Variants in SCIN observed in about 807,000 individuals in gnomAD.
The protein encoded by SCIN is scinderin, also known as adseverin.
Under a neutral mutation model 91.8 loss-of-function variants are expected in SCIN, and 91 were observed. The ratio of observed to expected loss-of-function variants is 0.99; its 90% CI spans 0.84 to 1.18. SCIN has a LOEUF of 1.18. SCIN is among the 50% of genes most tolerant of loss of function. The pLI is 0.00. For synonymous variants in SCIN, 367 were observed against 312.6 expected (o/e 1.17, Z -1.84); for missense variants, 1,087 against 863.9 (o/e 1.26, Z -3.24).
chr7:12,651,837 T>C lies in SCIN; in HGVS notation c.1960-4T>C. On this transcript the variant is annotated splice_polypyrimidine_tract_variant and splice_region_variant and intron_variant, in intron 14 of 15. Transcript: ENST00000297029. The surrounding 1 kb of genome is among the most constrained non-coding windows in gnomAD (Gnocchi z 5.9). The stretch of plus-strand genomic sequence containing the variant: ...ATACATATTGTTATTGTTTCATTTT[T>C]CAGATATTTATTTGGATTGGCAAAG... The C allele has an allele frequency of 6.4e-7, 1 of 1,562,944 alleles. No homozygotes were observed. The highest frequency in any genetic ancestry group is 8.8e-7 in the Non-Finnish European group (1 of 1,142,056).
chr7:12,628,782 G>T (rs1039172702), intron 8 of SCIN, among the ~76,000 whole-genome samples: 1 of 151,992 alleles, frequency 6.6e-6, no homozygotes, highest in Non-Finnish European at 1.5e-5. Flanking sequence ...ATATATTTCT[G>T]AGCTGAATCT....
At chr7:12,614,421 T>A (rs1783258854) in intron 4 of SCIN, among the ~76,000 whole-genome samples, 1 of 152,182 alleles carries the variant, frequency 6.6e-6, no homozygotes, top group African/African-American at 2.4e-5. Flanking sequence ...TTTACAGGAT[T>A]TAACTCTTAA....
chr7:12,641,238 G>A (rs1783852082), intron 11 of SCIN, among the ~76,000 whole-genome samples: 1 of 152,036 alleles, frequency 6.6e-6, no homozygotes, highest in Non-Finnish European at 1.5e-5. Context: ...ACTTGGGTTG[G>A]TCATCTCATC....
chr7:12,650,764 C>T (rs1365783823), intron 14 of SCIN, among the ~76,000 whole-genome samples: 1 of 152,104 alleles, frequency 6.6e-6, no homozygotes, highest in Non-Finnish European at 1.5e-5. Flanking sequence ...AAACACATTG[C>T]TATTTAAATA....
In SCIN at chr7:12,655,217, A is replaced by G. The variant is rs1433561738; in HGVS notation, c.*2502A>G. ...CTATATTGGTTTTTTAATTTGCATT[A>G]CTTTTGTATTGTTGTATTATTTTAT... On this transcript the variant is annotated 3_prime_UTR_variant, in exon 16 of 16. Transcript: ENST00000297029. 1 of 152,162 alleles carries G rather than the reference A, an allele frequency of 6.6e-6. No homozygotes were observed. Among genetic ancestry groups the G allele is most frequent in the African/African-American group, 2.4e-5 (1 of 41,436 alleles). The allele number at this position is 152,162 out of a possible 1,614,324, so 9.4% of individuals were successfully genotyped here. A position where few individuals can be genotyped will look rare whatever the true frequency, so the allele number is the denominator to read the frequency against.
At position 12,657,003 on chromosome 7, in the gene SCIN, T is replaced by C. The variant is rs1784174674; in HGVS notation, c.*4288T>C. Reference sequence around the variant, plus strand: ...GACTAAAATCAAATATTTTACTTGGTAATGCCAAGTAAAAATACAGGAGAG... The same window carrying C: ...GACTAAAATCAAATATTTTACTTGGCAATGCCAAGTAAAAATACAGGAGAG... On this transcript the variant is annotated 3_prime_UTR_variant, in exon 16 of 16. Transcript: ENST00000297029. The C allele has an allele frequency of 6.6e-6, 1 of 151,540 alleles. No individual in the cohort carries two copies. Among genetic ancestry groups the C allele is most frequent in the South Asian group, 2.1e-4 (1 of 4,816 alleles). 9.4% of individuals were successfully genotyped at this position (151,540 alleles called of 1,614,324 possible).
intron 5 of SCIN, among the ~76,000 whole-genome samples, chr7:12,624,753 A>G (rs921864990): frequency 6.6e-6 from 1 of 152,152 alleles, no homozygotes; most frequent in Non-Finnish European, 1.5e-5. Flanking sequence ...TTAACTTTTT[A>G]TTTGTAGTTC....
chr7:12,585,721 C>T (rs1383493378), intron 3 of SCIN, among the ~76,000 whole-genome samples: 1 of 152,164 alleles, frequency 6.6e-6, no homozygotes. Context: ...TAGCCTGTTC[C>T]ACCTTCTAAT....
chr7:12,607,837 T>G (rs1423303028), intron 4 of SCIN, among the ~76,000 whole-genome samples: 1 of 152,210 alleles, frequency 6.6e-6, no homozygotes, highest in Non-Finnish European at 1.5e-5. Flanking sequence ...AACAAACTTG[T>G]TTGACTTCTA....
In SCIN at chr7:12,640,483, G is replaced by A. The variant is rs572462499; in HGVS notation, c.1547G>A (p.Arg516Gln). The A allele has an allele frequency of 3.7e-5, 59 of 1,611,950 alleles. No homozygotes were observed. The highest frequency in any genetic ancestry group is 1.5e-4 in the South Asian group (14 of 90,698). Residue 516 changes from arginine to glutamine, a missense_variant, in exon 11 of 16, where the codon CGG (arginine) becomes CAG (glutamine). Coordinates refer to ENST00000297029, the MANE Select transcript of SCIN (RefSeq NM_001112706.3). ...PAPPTRLFQV[R>Q]RNLASITRIV... ...CCCCCTACACGCCTCTTTCAAGTCC[G>A]GAGAAACCTGGCATCTATCACCAGA...
chr7:12,571,131 G>T, intron 1 of SCIN, 146 bp downstream of exon 1: 1 of 889,318 alleles, frequency 1.1e-6, no homozygotes, highest in Non-Finnish European at 1.7e-6. Flanking sequence ...CTTTGGGGCC[G>T]GCCACTTTCT....
chr7:12,570,891 C>G lies in SCIN; in HGVS notation c.105C>G (p.Ser35Arg), dbSNP rs1459544814. The part of the protein sequence containing the change: ...EKLELVPVPQ[S>R]AHGDFYVGDA... The stretch of plus-strand genomic sequence containing the variant: ...TGGAGCTGGTGCCCGTGCCCCAGAG[C>G]GCTCACGGCGACTTCTACGTCGGGG... Residue 35 changes from serine (S) to arginine (R), a missense_variant, in exon 1 of 16, where the codon AGC (serine) becomes AGG (arginine). Transcript: ENST00000297029. 1 of 1,551,608 alleles carries G rather than the reference C, an allele frequency of 6.4e-7. No homozygotes were observed. Among genetic ancestry groups the G allele is most frequent in the African/African-American group, 1.4e-5 (1 of 73,164 alleles).
chr7:12,580,960 C>G (rs1317741048), intron 2 of SCIN, 100 bp from the exon 3 acceptor site: 3 of 1,260,992 alleles, frequency 2.4e-6, no homozygotes, highest in Non-Finnish European at 3.2e-6. Context: ...ACAGTTTTGG[C>G]ACAAACACCA....
intron 4 of SCIN, among the ~76,000 whole-genome samples, chr7:12,605,722 T>C (rs1334951982): frequency 1.3e-5 from 2 of 152,178 alleles, no homozygotes; most frequent in Non-Finnish European, 2.9e-5. Context: ...GATGTTTGGA[T>C]TAGGGATGCT....
In SCIN at chr7:12,640,468, G is replaced by A. The variant is rs558593285; in HGVS notation, c.1532G>A (p.Arg511His). 49 of 1,612,644 alleles carry A rather than the reference G, an allele frequency of 3.0e-5. 2 individuals are homozygous for A. In the South Asian group the frequency reaches 4.4e-4, roughly 14 times the overall value. The stretch of plus-strand genomic sequence containing the variant: ...GGTCAGGCACCTGCTCCCCCTACAC[G>A]CCTCTTTCAAGTCCGGAGAAACCTG... Reference protein sequence around the residue: ...KGGQAPAPPTRLFQVRRNLAS... With the variant: ...KGGQAPAPPTHLFQVRRNLAS... The change falls in exon 11 of 16, where the codon CGC (arginine) becomes CAC (histidine). Residue 511 changes from arginine to histidine, a missense_variant. Physicochemically the swap from Arg to His is conservative, Grantham distance 29. Coordinates refer to ENST00000297029, the MANE Select transcript of SCIN (RefSeq NM_001112706.3).
At chr7:12,639,102 C>T (rs146258209) in intron 10 of SCIN, among the ~76,000 whole-genome samples, 96 of 152,252 alleles carry the variant, frequency 6.3e-4, no homozygotes, top group African/African-American at 1.6e-3. Flanking sequence ...CGGTTTTCAA[C>T]GCTCCTTTGT....
chr7:12,578,135 G>T lies in SCIN; in HGVS notation c.271G>T (p.Gly91Cys), dbSNP rs1368890837. ...TGTTCAGATGGATGACTATTTGGGT[G>T]GCAAGCCAGTGCAGAATAGAGAACT... ...FTVQMDDYLG[G>C]KPVQNRELQG... is the part of the protein sequence containing the mutation. The change falls in exon 2 of 16, where the codon GGC becomes TGC. Residue 91 changes from glycine (G) to cysteine (C), a missense_variant. Coordinates refer to ENST00000297029, the MANE Select transcript of SCIN (RefSeq NM_001112706.3). 2 of 1,551,152 alleles carry T rather than the reference G, an allele frequency of 1.3e-6. No individual in the cohort carries two copies. Among genetic ancestry groups the T allele is most frequent in the Admixed American group, 2.0e-5 (1 of 50,914 alleles).
rs549471963 is a variant in SCIN at position 12,651,523 on chromosome 7, A to C, written c.1960-318A>C. On this transcript the variant is annotated intron_variant, in intron 14 of 15. Coordinates refer to ENST00000297029, the MANE Select transcript of SCIN (RefSeq NM_001112706.3). This position sits in a 1 kb window ranked among gnomAD's most constrained non-coding sequence, Gnocchi z 5.9. ...CTGTCACACCCTAGGGGGTGGATGA[A>C]AAAAAAAAGTCCACCCAGACAATCT... is the stretch of plus-strand genomic sequence containing the variant. Among the ~76,000 whole-genome samples the C allele has an allele frequency of 6.6e-6, 1 of 151,120 alleles. No individual in the cohort carries two copies. The highest frequency in any genetic ancestry group is 2.1e-4 in the South Asian group (1 of 4,782).
intron 5 of SCIN, among the ~76,000 whole-genome samples, chr7:12,623,116 C>T (rs1007307675): frequency 6.6e-6 from 1 of 152,054 alleles, no homozygotes; most frequent in Non-Finnish European, 1.5e-5. Context: ...GAACTTATTG[C>T]TGTGACTTCA....
Sources: allele counts gnomAD v4.1 joint callset (sites outside exome capture counted in the v4.1 genomes callset), GRCh38; gene constraint gnomAD v4.1.1; non-coding constraint Gnocchi (gnomAD v3.1); transcripts MANE v1.5; gene names NCBI Gene and HGNC (gene_info 2026-07-23, HGNC 2026-07-21).